Variants in CSMD1 observed in about 807,000 individuals in gnomAD.
CSMD1 encodes the protein CUB and sushi domain-containing protein 1.
A neutral mutation model predicts 417.5 loss-of-function variants in CSMD1; 213 were observed. The observed-to-expected ratio is 0.51, with a 90% confidence interval of 0.46 to 0.57. The LOEUF is 0.57. CSMD1 is among the 20% of genes least tolerant of loss of function. The pLI, the probability that CSMD1 is intolerant of heterozygous loss-of-function variation, is 0.00. For missense variants in CSMD1, 6,923 were observed against 4,529.7 expected (o/e 1.53, Z -15.17); for synonymous variants, 2,862 against 1,736.8 (o/e 1.65, Z -16.11).
At chr8:4,899,085 G>C (rs942728822) in intron 1 of CSMD1, among the ~76,000 whole-genome samples, 3 of 152,168 alleles carry the variant, frequency 2.0e-5, no homozygotes, top group Non-Finnish European at 2.9e-5. Flanking sequence ...TGTGATTTAA[G>C]TGTGATCTGT....
intron 3 of CSMD1, among the ~76,000 whole-genome samples, chr8:4,308,992 A>C (rs907143755): frequency 6.6e-6 from 1 of 152,182 alleles, no homozygotes; most frequent in Non-Finnish European, 1.5e-5. Flanking sequence ...ACTAATTCCT[A>C]AAACTAGGTG....
intron 1 of CSMD1, among the ~76,000 whole-genome samples, chr8:4,758,107 C>A (rs1046662656): frequency 6.6e-6 from 1 of 152,040 alleles, no homozygotes; most frequent in Admixed American, 6.6e-5. Flanking sequence ...TGAAACCAAC[C>A]AAAGGAAATA....
chr8:4,760,189 G>C (rs973203056), intron 1 of CSMD1, among the ~76,000 whole-genome samples: 1 of 152,156 alleles, frequency 6.6e-6, no homozygotes, highest in Non-Finnish European at 1.5e-5. Flanking sequence ...GAACCACAAA[G>C]TGCATTCTAA....
chr8:3,064,033 G>A (rs1812760746), intron 49 of CSMD1, among the ~76,000 whole-genome samples: 1 of 152,186 alleles, frequency 6.6e-6, no homozygotes, highest in African/African-American at 2.4e-5. Flanking sequence ...AAGTCTTGCT[G>A]CACAATAGCC....
In CSMD1 at chr8:4,270,729, A is replaced by G. The variant is rs540493625; in HGVS notation, c.415+149224T>C. ...TTTCATTTGTAATGTGAAAATAGAA[A>G]TATTGTGTTTGAGGACAGTGCTACT... is the stretch of plus-strand genomic sequence containing the variant. On this transcript the variant is annotated intron_variant, in intron 3 of 69. Transcript: ENST00000635120. Among the ~76,000 whole-genome samples, 14 of 152,342 alleles carry G rather than the reference A, an allele frequency of 9.2e-5. No individual in the cohort carries two copies. In the South Asian group the frequency reaches 2.7e-3, roughly 29 times the overall value.
At chr8:4,040,884 G>A (rs1797851246) in intron 3 of CSMD1, among the ~76,000 whole-genome samples, 2 of 152,064 alleles carry the variant, frequency 1.3e-5, no homozygotes, top group South Asian at 4.2e-4. Flanking sequence ...TGTTCACTAT[G>A]TAAATGGCTC....
intron 3 of CSMD1, among the ~76,000 whole-genome samples, chr8:4,241,368 G>T (rs563902620): frequency 6.6e-6 from 1 of 152,090 alleles, no homozygotes; most frequent in Non-Finnish European, 1.5e-5. Flanking sequence ...CGAGTAGCAG[G>T]TCCTCAGGGA....
In CSMD1 at chr8:4,082,792, A is replaced by C. The variant is rs1032273519; in HGVS notation, c.416-50693T>G. ...CCCCCACCCCACAACAGTCCCCACA[A>C]TGTGATGTTCCCTTTCCTGTGTCCA... On this transcript the variant is annotated intron_variant, in intron 3 of 69. Transcript: ENST00000635120. Among the ~76,000 whole-genome samples, 3 of 122,454 alleles carry C rather than the reference A, an allele frequency of 2.4e-5. 1 individual carries two copies. Among genetic ancestry groups the C allele is most frequent in the South Asian group, 5.5e-4 (2 of 3,636 alleles). The allele number at this position is 122,454 out of a possible 152,430, so 80.3% of individuals were successfully genotyped here. A position where few individuals can be genotyped will look rare whatever the true frequency, so the allele number is the denominator to read the frequency against.
intron 5 of CSMD1, among the ~76,000 whole-genome samples, chr8:3,803,558 G>C (rs1411184025): frequency 6.6e-6 from 1 of 152,182 alleles, no homozygotes. Flanking sequence ...GGAGCCCACA[G>C]GTGGGAAAGG....
At chr8:3,772,249 A>ATACATATATTTAGGCATACATATG (rs1798619314) in intron 5 of CSMD1, among the ~76,000 whole-genome samples, 2 of 80,250 alleles carry the variant, frequency 2.5e-5, no homozygotes, top group African/African-American at 8.2e-5. Flanking sequence ...ATATAGATAT[A>ATACATATATTTAGGCATACATATG]TACATATATT....
chr8:3,134,964 C>A (rs186647600), intron 41 of CSMD1, among the ~76,000 whole-genome samples: 50 of 152,238 alleles, frequency 3.3e-4, no homozygotes, highest in Middle Eastern at 3.4e-3. Context: ...CACTTTGATG[C>A]CCAGGCTGGA....
intron 1 of CSMD1, among the ~76,000 whole-genome samples, chr8:4,892,380 G>A (rs945871835): frequency 2.0e-5 from 3 of 152,042 alleles, no homozygotes; most frequent in Non-Finnish European, 4.4e-5. Context: ...GAGCAAGGGG[G>A]AGTTGAGAAT....
Position 4,398,937 on chromosome 8 carries a change from A to C in CSMD1, c.415+21016T>G, listed in dbSNP as rs78088170. On this transcript the variant is annotated intron_variant, in intron 3 of 69. Coordinates refer to ENST00000635120, the MANE Select transcript of CSMD1 (RefSeq NM_033225.6). ...AAATCCATTTAAGATGCTCCAGAAT[A>C]TATTCTTGAGAATGTTTTTTAAAAG... 6.3e-3 allele frequency among the ~76,000 whole-genome samples: 961 copies of C among 152,324 alleles called. 36 individuals are homozygous for C. In the East Asian group the frequency reaches 0.08, roughly 13 times the overall value.
At chr8:3,859,879 G>C (rs1442154848) in intron 5 of CSMD1, among the ~76,000 whole-genome samples, 2 of 152,160 alleles carry the variant, frequency 1.3e-5, no homozygotes, top group African/African-American at 4.8e-5. Context: ...CTCTTCTTCA[G>C]ATGATGTTTA....
At chr8:3,715,346 G>A (rs1432572034) in intron 6 of CSMD1, among the ~76,000 whole-genome samples, 1 of 152,040 alleles carries the variant, frequency 6.6e-6, no homozygotes, top group Non-Finnish European at 1.5e-5. Flanking sequence ...TTTTCCTGAA[G>A]GATGGAACCA....
chr8:4,642,616 A>C (rs957233432), intron 1 of CSMD1, among the ~76,000 whole-genome samples: 1 of 152,196 alleles, frequency 6.6e-6, no homozygotes, highest in Non-Finnish European at 1.5e-5. Context: ...CTGGGTGGGC[A>C]TTCTCAGAAA....
chr8:3,865,926 C>G lies in CSMD1; in HGVS notation c.819-111884G>C, dbSNP rs148324819. ...TTGTCAAAACCACATTAATTAACTC[C>G]TCATGTTTCCCTCGTGTCTGGGAAT... On this transcript the variant is annotated intron_variant, in intron 5 of 69. Transcript: ENST00000635120. 2.8e-3 allele frequency among the ~76,000 whole-genome samples: 432 copies of G among 152,216 alleles called. 3 individuals carry two copies. The highest frequency in any genetic ancestry group is 9.8e-3 in the African/African-American group (406 of 41,530).
chr8:3,939,391 A>G (rs576347298), intron 5 of CSMD1, among the ~76,000 whole-genome samples: 2 of 152,270 alleles, frequency 1.3e-5, no homozygotes, highest in East Asian at 3.9e-4. Flanking sequence ...GTGAAAAGGG[A>G]ACACTTTTAC....
intron 1 of CSMD1, among the ~76,000 whole-genome samples, chr8:4,821,196 G>C (rs1799504804): frequency 6.6e-6 from 1 of 152,086 alleles, no homozygotes; most frequent in Non-Finnish European, 1.5e-5. Flanking sequence ...GTGACATTCA[G>C]GTCACGTCAT....
Sources: allele counts gnomAD v4.1 joint callset (sites outside exome capture counted in the v4.1 genomes callset), GRCh38; gene constraint gnomAD v4.1.1; transcripts MANE v1.5; gene names NCBI Gene and HGNC (gene_info 2026-07-23, HGNC 2026-07-21).